The following ATP8A2 variants were observed in gnomAD, a reference collection of about 807,000 sequenced individuals.
ATP8A2 encodes the protein ATPase phospholipid transporting 8A2.
In ATP8A2, 100 loss-of-function variants were observed where a neutral mutation model predicts 165.6. That is an observed-to-expected ratio of 0.60 (90% confidence interval 0.51 to 0.71). The LOEUF (loss-of-function observed/expected upper bound fraction) is 0.71, where lower values mean the gene tolerates loss of function less well. ATP8A2 is among the 30% of genes least tolerant of loss of function. The pLI is 0.00. For synonymous variants in ATP8A2, 543 were observed against 548.8 expected (o/e 0.99, Z 0.15); for missense variants, 1,227 against 1,479.5 (o/e 0.83, Z 2.80).
intron 24 of ATP8A2, among the ~76,000 whole-genome samples, chr13:25,617,602 A>T (rs1032114950): frequency 6.6e-6 from 1 of 152,208 alleles, no homozygotes. Context: ...TAGTTGTCTC[A>T]CTAACTCCAT....
At chr13:25,480,333 G>A (rs1371341714) in intron 2 of ATP8A2, among the ~76,000 whole-genome samples, 4 of 151,786 alleles carry the variant, frequency 2.6e-5, no homozygotes, top group African/African-American at 9.7e-5. Context: ...GCGGCTGCCG[G>A]GCGGAGACGC....
chr13:25,372,242 T>A lies in ATP8A2; in HGVS notation c.30T>A (p.Ala10=), dbSNP rs565351957. 18 of 1,478,986 alleles carry A rather than the reference T, an allele frequency of 1.2e-5. No individual in the cohort carries two copies. The highest frequency in any genetic ancestry group is 1.5e-5 in the Non-Finnish European group (17 of 1,111,888). The allele number at this position is 1,478,986 out of a possible 1,614,324, so 91.6% of individuals were successfully genotyped here. MLNGAGLDK[A]LKMSLPRRSR... ...TGAACGGCGCAGGCCTGGACAAAGC[T>A]CTTAAGATGTCCCTGCCGCGGAGGT... Residue 10 remains alanine (A), a synonymous_variant, in exon 1 of 37, where the codon GCT becomes GCA. Coordinates refer to ENST00000381655, the MANE Select transcript of ATP8A2 (RefSeq NM_016529.6). The surrounding 1 kb of genome is among the most constrained non-coding windows in gnomAD (Gnocchi z 4.8).
rs1254237542 is a variant in ATP8A2, at chr13:26,021,015, C to T, written c.*1030C>T. On this transcript the variant is annotated 3_prime_UTR_variant, in exon 37 of 37. Coordinates refer to ENST00000381655, the MANE Select transcript of ATP8A2 (RefSeq NM_016529.6). ...CCTTTGGCATCCACTTACATTAGAA[C>T]CCACGTTTGTTTCAGAGCACATTTT... 1 of 152,296 alleles carries T rather than the reference C, an allele frequency of 6.6e-6. No homozygotes were observed. The highest frequency in any genetic ancestry group is 2.1e-4 in the South Asian group (1 of 4,840). The allele number at this position is 152,296 out of a possible 1,614,324, so 9.4% of individuals were successfully genotyped here.
intron 2 of ATP8A2, among the ~76,000 whole-genome samples, chr13:25,472,732 C>T (rs1028603603): frequency 3.9e-5 from 6 of 152,180 alleles, no homozygotes; most frequent in African/African-American, 1.4e-4. Flanking sequence ...GAAGGGACCA[C>T]ATGGGATAGA....
chr13:25,480,163 G>T (rs527521334), intron 2 of ATP8A2, among the ~76,000 whole-genome samples: 102 of 142,578 alleles, frequency 7.2e-4, no homozygotes, highest in Non-Finnish European at 1.2e-3. Flanking sequence ...CTGGCCGGGT[G>T]GGGGGCTGAC....
At position 25,510,614 on chromosome 13, in the gene ATP8A2, A is replaced by G. The variant is rs141765596; in HGVS notation, c.222-19385A>G. 2.4e-3 allele frequency among the ~76,000 whole-genome samples: 365 copies of G among 152,330 alleles called. 1 individual carries two copies. Among genetic ancestry groups the G allele is most frequent in the African/African-American group, 8.5e-3 (353 of 41,568 alleles). Reference sequence around the variant, plus strand: ...TTCTTGTTAGACTCTTATGGGGCAGATGACAGTTTCCCCTTCTTTTATCCA... The same window carrying G: ...TTCTTGTTAGACTCTTATGGGGCAGGTGACAGTTTCCCCTTCTTTTATCCA... On this transcript the variant is annotated intron_variant, in intron 2 of 36. Transcript: ENST00000381655.
At chr13:25,421,129 T>C (rs9511793) in intron 1 of ATP8A2, among the ~76,000 whole-genome samples, 66,386 of 151,750 alleles carry the variant, frequency 0.44, 15,381 homozygotes, top group East Asian at 0.59. Context: ...CTAATCACTT[T>C]GACATAGAAA....
chr13:25,643,051 C>A (rs139548339), intron 24 of ATP8A2, among the ~76,000 whole-genome samples: 1 of 151,872 alleles, frequency 6.6e-6, no homozygotes, highest in Non-Finnish European at 1.5e-5. Flanking sequence ...CATCATACAT[C>A]GGATCCTGTT....
chr13:25,977,723 A>G (rs976098203), intron 35 of ATP8A2, among the ~76,000 whole-genome samples: 3 of 152,194 alleles, frequency 2.0e-5, no homozygotes, highest in South Asian at 4.1e-4. Flanking sequence ...ATTTATTATT[A>G]AGCATCTTGT....
intron 25 of ATP8A2, among the ~76,000 whole-genome samples, chr13:25,707,066 C>T (rs531829932): frequency 6.6e-6 from 1 of 152,182 alleles, no homozygotes; most frequent in South Asian, 2.1e-4. Context: ...ACAGATCTTA[C>T]CATAATTTCT....
At position 25,699,156 on chromosome 13, in the gene ATP8A2, C is replaced by G. The variant is rs1252937907; in HGVS notation, c.2212-17C>G. 1 of 1,509,646 alleles carries G rather than the reference C, an allele frequency of 6.6e-7. No individual in the cohort carries two copies. The highest frequency in any genetic ancestry group is 8.9e-7 in the Non-Finnish European group (1 of 1,126,154). The allele number at this position is 1,509,646 out of a possible 1,614,324, so 93.5% of individuals were successfully genotyped here. ...AACACACAAAAAATGTGATTTTCCC[C>G]TATACTCTTGTTTCAGGCCACAAGG... is the stretch of plus-strand genomic sequence containing the variant. On this transcript the variant is annotated splice_polypyrimidine_tract_variant and intron_variant, in intron 24 of 36. Coordinates refer to ENST00000381655, the MANE Select transcript of ATP8A2 (RefSeq NM_016529.6).
intron 35 of ATP8A2, among the ~76,000 whole-genome samples, chr13:25,991,419 C>A (rs1265666029): frequency 6.6e-6 from 1 of 152,146 alleles, no homozygotes; most frequent in Non-Finnish European, 1.5e-5. Context: ...ACACAGTCAA[C>A]ACAAAACATA....
intron 1 of ATP8A2, among the ~76,000 whole-genome samples, chr13:25,384,989 A>T (rs1346455557): frequency 6.6e-6 from 1 of 152,090 alleles, no homozygotes; most frequent in Non-Finnish European, 1.5e-5. Flanking sequence ...GCTGAGCTAT[A>T]TTGCTCAATG....
chr13:25,716,812 G>A (rs886888032), intron 25 of ATP8A2, among the ~76,000 whole-genome samples: 5 of 152,170 alleles, frequency 3.3e-5, no homozygotes, highest in Non-Finnish European at 7.3e-5. Flanking sequence ...CTGAGGATGA[G>A]GGATACAAAC....
chr13:25,684,507 A>C (rs2042561300), intron 24 of ATP8A2, among the ~76,000 whole-genome samples: 1 of 152,216 alleles, frequency 6.6e-6, no homozygotes, highest in Non-Finnish European at 1.5e-5. Flanking sequence ...CACTGTTGTG[A>C]ATGAAAATAA....
chr13:25,619,921 A>T (rs9511834), intron 24 of ATP8A2, among the ~76,000 whole-genome samples: 1 of 151,978 alleles, frequency 6.6e-6, no homozygotes, highest in Non-Finnish European at 1.5e-5. Flanking sequence ...CACGGGCCGT[A>T]GTTTACTGAC....
intron 25 of ATP8A2, among the ~76,000 whole-genome samples, chr13:25,728,102 T>C (rs1323706469): frequency 6.6e-6 from 1 of 152,214 alleles, no homozygotes; most frequent in Non-Finnish European, 1.5e-5. Context: ...AACCACATAC[T>C]GTGTCAGATT....
intron 27 of ATP8A2, among the ~76,000 whole-genome samples, chr13:25,812,011 T>G (rs1179174325): frequency 1.3e-5 from 2 of 152,204 alleles, no homozygotes; most frequent in Non-Finnish European, 1.5e-5. Flanking sequence ...ACATTACAGC[T>G]TTGCCTCCTC....
intron 19 of ATP8A2, 35 bp downstream of exon 19, chr13:25,574,892 A>G (rs2039573394): frequency 8.4e-7 from 1 of 1,189,484 alleles, no homozygotes; most frequent in Non-Finnish European, 1.2e-6. Flanking sequence ...AAATAAAATA[A>G]TTATATTTAT....
Sources: gnomAD v4.1 joint callset for allele counts (sites outside exome capture counted in the v4.1 genomes callset) on GRCh38, gnomAD v4.1.1 for gene constraint, Gnocchi (gnomAD v3.1) non-coding constraint, MANE v1.5 for transcripts, NCBI Gene and HGNC (gene_info 2026-07-23, HGNC 2026-07-21) for gene names.